GRIN2B: variants seen among roughly 807,000 people sequenced by gnomAD.
GRIN2B encodes the protein glutamate ionotropic receptor NMDA type subunit 2B, also known as glutamate receptor ionotropic, NMDA 2B.
GRIN2B carries 5 observed loss-of-function variants against 114.5 expected under a neutral mutation model. The observed-to-expected ratio is 0.04, with a 90% CI of 0.02 to 0.09. The LOEUF (loss-of-function observed/expected upper bound fraction) is 0.09, where lower values mean the gene tolerates loss of function less well. GRIN2B is among the 10% of genes least tolerant of loss of function. The pLI, the probability that GRIN2B is intolerant of heterozygous loss-of-function variation, is 1.00. For synonymous variants in GRIN2B, 787 were observed against 745.1 expected, an observed-to-expected ratio of 1.06 and a Z score of -0.92; for missense variants, 1,108 against 1,943.5, an observed-to-expected ratio of 0.57 and a Z score of 8.08.
intron 2 of GRIN2B, among the ~76,000 whole-genome samples, chr12:13,940,438 G>GCACACACA (rs141427427): frequency 6.6e-6 from 1 of 150,768 alleles, no homozygotes; most frequent in East Asian, 2.0e-4. Flanking sequence ...TCTCCTTGGC[G>GCACACACA]CACACACACA....
rs192906391 is a variant in GRIN2B, at chr12:13,784,002, T to A, written c.412-30087A>T. On this transcript the variant is annotated intron_variant, in intron 3 of 13. Transcript: ENST00000609686. ...ACTTTGGGAGGCCAAGGCGGGTGGA[T>A]CACGAGTTCAGGAGATCGAGACCAT... 7.3e-3 allele frequency among the ~76,000 whole-genome samples: 1,107 copies of A among 152,046 alleles called. 6 individuals are homozygous for A. Among genetic ancestry groups the A allele is most frequent in the Middle Eastern group, 0.014 (4 of 294 alleles).
intron 5 of GRIN2B, among the ~76,000 whole-genome samples, chr12:13,659,138 T>A (rs1223893224): frequency 6.6e-6 from 1 of 152,302 alleles, no homozygotes; most frequent in Admixed American, 6.5e-5. Flanking sequence ...CAAATTGACA[T>A]TTCTACTTCC....
rs1021037352 is a variant in GRIN2B at position 13,548,082 on chromosome 12, A to G, written c.*14701T>C. ...GAGAAGTCTAGCTTGGAAATAAATC[A>G]AAACCATCAGAGGAATTACATTCCA... On this transcript the variant is annotated 3_prime_UTR_variant, in exon 14 of 14. Transcript: ENST00000609686. The G allele has an allele frequency of 3.3e-5, 5 of 150,730 alleles. No homozygotes were observed. The highest frequency in any genetic ancestry group is 1.3e-4 in the Admixed American group (2 of 15,066). 9.3% of individuals were successfully genotyped at this position (150,730 alleles called of 1,614,324 possible).
chr12:13,913,800 C>G (rs537910679), intron 2 of GRIN2B, among the ~76,000 whole-genome samples: 1 of 152,144 alleles, frequency 6.6e-6, no homozygotes, highest in Non-Finnish European at 1.5e-5. Flanking sequence ...TTCTCAGGGA[C>G]CACTTTCTTG....
Position 13,557,446 on chromosome 12 carries a change from G to A in GRIN2B, c.*5337C>T, listed in dbSNP as rs1948489642. ...TAAACTGGGACAGAAACCAGACAAT[G>A]ACAGTAAATTTTATTGTATCACTAA... On this transcript the variant is annotated 3_prime_UTR_variant, in exon 14 of 14. Coordinates refer to ENST00000609686, the MANE Select transcript of GRIN2B (RefSeq NM_000834.5). The A allele has an allele frequency of 6.6e-6, 1 of 152,154 alleles. No individual in the cohort carries two copies. The allele number at this position is 152,154 out of a possible 1,614,324, so 9.4% of individuals were successfully genotyped here.
chr12:13,634,976 A>G (rs768432482), intron 5 of GRIN2B, among the ~76,000 whole-genome samples: 7 of 152,230 alleles, frequency 4.6e-5, no homozygotes, highest in Non-Finnish European at 8.8e-5. Context: ...GAAGGGTAAC[A>G]ATCTTCAAAT....
intron 2 of GRIN2B, among the ~76,000 whole-genome samples, chr12:13,956,636 G>T (rs1370652043): frequency 6.6e-6 from 1 of 152,130 alleles, no homozygotes; most frequent in Non-Finnish European, 1.5e-5. Context: ...GCCCAGCAAC[G>T]AGCCGCATCA....
chr12:13,641,004 T>G (rs772342335), intron 5 of GRIN2B, among the ~76,000 whole-genome samples: 3 of 152,102 alleles, frequency 2.0e-5, no homozygotes, highest in Non-Finnish European at 2.9e-5. Flanking sequence ...TTCGGAACCA[T>G]AGTTTTCCTT....
At chr12:13,625,149 A>C (rs1200192126) in intron 5 of GRIN2B, among the ~76,000 whole-genome samples, 1 of 152,254 alleles carries the variant, frequency 6.6e-6, no homozygotes, top group Non-Finnish European at 1.5e-5. Context: ...TTAATTGCCT[A>C]CAATATAGAC....
intron 10 of GRIN2B, among the ~76,000 whole-genome samples, chr12:13,605,581 A>ACACACACC (rs764306615): frequency 2.7e-5 from 4 of 149,226 alleles, no homozygotes; most frequent in African/African-American, 4.9e-5. Context: ...ACACACACAC[A>ACACACACC]CACCTGTCTT....
At chr12:13,934,326 T>C (rs531316045) in intron 2 of GRIN2B, among the ~76,000 whole-genome samples, 2 of 152,350 alleles carry the variant, frequency 1.3e-5, no homozygotes, top group East Asian at 3.9e-4. Context: ...CATTGACTCT[T>C]GTCCTTAGGA....
In GRIN2B at chr12:13,543,861, A is replaced by C. The variant is rs1368929634; in HGVS notation, c.*18922T>G. The stretch of plus-strand genomic sequence containing the variant: ...ACTTGCATCTGTGCCCAAATGCACT[A>C]TCTCCCTGCTATTAATACAAACAAA... On this transcript the variant is annotated 3_prime_UTR_variant, in exon 14 of 14. Transcript: ENST00000609686. 1 of 152,148 alleles carries C rather than the reference A, an allele frequency of 6.6e-6. No homozygotes were observed. The highest frequency in any genetic ancestry group is 1.5e-5 in the Non-Finnish European group (1 of 68,038). 9.4% of individuals were successfully genotyped at this position (152,148 alleles called of 1,614,324 possible).
Position 13,827,037 on chromosome 12 carries a change from T to C in GRIN2B, c.411+38761A>G, listed in dbSNP as rs11834511. On this transcript the variant is annotated intron_variant, in intron 3 of 13. Transcript: ENST00000609686. ...TGTTGAGAGGTTTTTTTTTTTAATG[T>C]TTTTCAGTATTTTAAGGACATCAGT... 3.4e-3 allele frequency among the ~76,000 whole-genome samples: 510 copies of C among 151,486 alleles called. 3 individuals carry two copies. Among genetic ancestry groups the C allele is most frequent in the African/African-American group, 0.012 (493 of 41,472 alleles).
chr12:13,692,882 C>A (rs1331219677), intron 4 of GRIN2B, among the ~76,000 whole-genome samples: 1 of 147,954 alleles, frequency 6.8e-6, no homozygotes, highest in Non-Finnish European at 1.5e-5. Context: ...GATTCTCCTG[C>A]CTCAGCCTCC....
intron 4 of GRIN2B, among the ~76,000 whole-genome samples, chr12:13,678,294 A>G (rs1950094934): frequency 6.6e-6 from 1 of 152,116 alleles, no homozygotes; most frequent in Admixed American, 6.5e-5. Context: ...TTGTCCTTGT[A>G]TGTAAGTTTC....
intron 3 of GRIN2B, among the ~76,000 whole-genome samples, chr12:13,778,827 C>T (rs1864053399): frequency 1.3e-5 from 2 of 152,146 alleles, no homozygotes; most frequent in African/African-American, 4.8e-5. Flanking sequence ...TGGTCCAAGA[C>T]CAGTGCTCTG....
chr12:13,866,584 T>A (rs1191532445), intron 2 of GRIN2B, among the ~76,000 whole-genome samples: 2 of 152,162 alleles, frequency 1.3e-5, no homozygotes, highest in African/African-American at 4.8e-5. Flanking sequence ...CTTGTACTGT[T>A]CTTGGGCTGA....
At chr12:13,728,188 T>C (rs1433052757) in intron 4 of GRIN2B, among the ~76,000 whole-genome samples, 1 of 152,186 alleles carries the variant, frequency 6.6e-6, no homozygotes, top group Non-Finnish European at 1.5e-5. Flanking sequence ...CCTCCTCAGA[T>C]TGCAATCACT....
chr12:13,753,601 T>C lies in GRIN2B; in HGVS notation c.726A>G (p.Glu242=), dbSNP rs1203210775. 4 of 1,614,174 alleles carry C rather than the reference T, an allele frequency of 2.5e-6. No individual in the cohort carries two copies. The highest frequency in any genetic ancestry group is 3.4e-6 in the Non-Finnish European group (4 of 1,180,014). The change falls in exon 4 of 14, where the codon GAA becomes GAG. Residue 242 remains glutamate, a synonymous_variant. Coordinates refer to ENST00000609686, the MANE Select transcript of GRIN2B (RefSeq NM_000834.5). The surrounding 1 kb of genome is among the most constrained non-coding windows in gnomAD (Gnocchi z 6.2). ...CAGTCAGCCCTACTGAGTTGGCCAC[T>C]TCAAAGATGTAGGTGGCTTCTTCCT... The part of the protein sequence containing the change: ...CTKEEATYIF[E]VANSVGLTGY...
Sources: allele counts gnomAD v4.1 joint callset (sites outside exome capture counted in the v4.1 genomes callset), GRCh38; gene constraint gnomAD v4.1.1; non-coding constraint Gnocchi (gnomAD v3.1); transcripts MANE v1.5; gene names NCBI Gene and HGNC (gene_info 2026-07-23, HGNC 2026-07-21).